Variants in CNOT1 observed in about 807,000 individuals in gnomAD.
The protein encoded by CNOT1 is CCR4-NOT transcription complex subunit 1, also known as CCR4-associated factor 1.
In CNOT1, 15 loss-of-function variants were observed where a neutral mutation model predicts 273.8. That is an observed-to-expected ratio of 0.05 (90% confidence interval 0.04 to 0.08). The LOEUF (loss-of-function observed/expected upper bound fraction) is 0.08, where lower values mean the gene tolerates loss of function less well. CNOT1 is among the 10% of genes least tolerant of loss of function. The pLI, the probability that CNOT1 is intolerant of heterozygous loss-of-function variation, is 1.00. For missense variants in CNOT1, 1,644 were observed against 2,912.2 expected (o/e 0.56, Z 10.02); for synonymous variants, 1,022 against 1,005.5 (o/e 1.02, Z -0.31).
chr16:58,527,018 G>A (rs756299740), intron 44 of CNOT1, among the ~76,000 whole-genome samples: 14 of 151,982 alleles, frequency 9.2e-5, no homozygotes, highest in Non-Finnish European at 1.8e-4. Flanking sequence ...CTTCAGCCTG[G>A]GCAAAACAAC....
intron 29 of CNOT1, 122 bp from the exon 30 acceptor site, chr16:58,545,613 A>ACCAAC: frequency 1.4e-6 from 2 of 1,466,540 alleles, no homozygotes; most frequent in Non-Finnish European, 1.8e-6. Flanking sequence ...AGAGGAGGGA[A>ACCAAC]GGATGTAGCA....
At position 58,542,327 on chromosome 16, in the gene CNOT1, C is replaced by T. The variant is rs777170733; in HGVS notation, c.4584G>A (p.Glu1528=). Residue 1528 remains glutamate (E), a synonymous_variant, in exon 33 of 49, where the codon GAG becomes GAA. Transcript: ENST00000317147. ...CTTCTTGCCTAGCATGTTTTCTCAG[C>T]TCAAATTCCTGCAAACAAAAAAAGT... ...EMDKRLATEF[E]LRKHARQEGR... is the part of the protein sequence containing the mutation. 9.9e-6 allele frequency: 16 copies of T among 1,614,090 alleles called. No homozygotes were observed. The highest frequency in any genetic ancestry group is 1.4e-5 in the Non-Finnish European group (16 of 1,180,014).
At chr16:58,602,415 TG>T (rs2042499239) in intron 1 of CNOT1, among the ~76,000 whole-genome samples, 2 of 151,846 alleles carry the variant, frequency 1.3e-5, no homozygotes, top group Non-Finnish European at 2.9e-5. Flanking sequence ...AGGCCGGGTG[TG>T]GTGGTGCACA....
At chr16:58,623,925 G>A (rs1009432644) in intron 1 of CNOT1, among the ~76,000 whole-genome samples, 4 of 152,044 alleles carry the variant, frequency 2.6e-5, no homozygotes, top group African/African-American at 9.7e-5. Flanking sequence ...GAGCGATAGA[G>A]GTTGCAGCAA....
intron 47 of CNOT1, 65 bp downstream of exon 47, chr16:58,523,305 G>GGA: frequency 7.5e-7 from 1 of 1,340,130 alleles, no homozygotes; most frequent in Non-Finnish European, 1.0e-6. Flanking sequence ...GCATAAAGAG[G>GGA]AAAAAAAAAA....
chr16:58,608,034 G>A (rs1317962818), intron 1 of CNOT1, among the ~76,000 whole-genome samples: 3 of 151,752 alleles, frequency 2.0e-5, no homozygotes. Context: ...AAATTAGCCA[G>A]GTGTGGTAGC....
intron 16 of CNOT1, among the ~76,000 whole-genome samples, chr16:58,571,125 A>G (rs1014890199): frequency 1.3e-5 from 2 of 152,188 alleles, no homozygotes; most frequent in African/African-American, 4.8e-5. Context: ...ACAAAAAACA[A>G]AACAAAAATA....
chr16:58,522,127 G>A (rs1350053365), intron 47 of CNOT1, among the ~76,000 whole-genome samples: 1 of 151,404 alleles, frequency 6.6e-6, no homozygotes, highest in Admixed American at 6.6e-5. Context: ...AGACCAGCCT[G>A]GCCAAGATGG....
At position 58,539,480 on chromosome 16, in the gene CNOT1, C is replaced by CACACACACACACACACACACACAG. The variant is rs1555494952; in HGVS notation, c.4992+287_4992+288insCTGTGTGTGTGTGTGTGTGTGTGT. On this transcript the variant is annotated intron_variant, in intron 35 of 48. Coordinates refer to ENST00000317147, the MANE Select transcript of CNOT1 (RefSeq NM_016284.5). ...ACCCTGTCTCTTACACACACACACA[C>CACACACACACACACACACACACAG]ACACACACACACAGACACACACACC... Among the ~76,000 whole-genome samples, 648 of 148,670 alleles carry CACACACACACACACACACACACAG rather than the reference C, an allele frequency of 4.4e-3. 4 individuals carry two copies. Among genetic ancestry groups the CACACACACACACACACACACACAG allele is most frequent in the East Asian group, 0.019 (92 of 4,746 alleles).
Position 58,588,789 on chromosome 16 carries a change from C to T in CNOT1, c.210+10G>A, listed in dbSNP as rs543494023. Reference sequence around the variant, plus strand: ...GCTAAGTGGACATGAACTCTGTAAGCCCCAAATACCTGATGGAAATCTTTG... The same window carrying T: ...GCTAAGTGGACATGAACTCTGTAAGTCCCAAATACCTGATGGAAATCTTTG... On this transcript the variant is annotated intron_variant, in intron 3 of 48. Transcript: ENST00000317147. 6.2e-7 allele frequency: 1 copy of T among 1,612,598 alleles called. No homozygotes were observed. The highest frequency in any genetic ancestry group is 1.1e-5 in the South Asian group (1 of 90,742).
At chr16:58,539,641 C>G (rs2040027237) in intron 35 of CNOT1, 127 bp downstream of exon 35, 6 of 958,980 alleles carry the variant, frequency 6.3e-6, no homozygotes, top group Non-Finnish European at 7.1e-6. Flanking sequence ...AAAAAATCAC[C>G]TACTTACAGA....
intron 31 of CNOT1, chr16:58,543,119 AC>A: frequency 1.5e-6 from 2 of 1,300,854 alleles, no homozygotes; most frequent in Non-Finnish European, 2.0e-6. Flanking sequence ...AAGGCAAAAA[AC>A]AACCAAAAAA....
chr16:58,621,227 T>C (rs755276968), intron 1 of CNOT1, among the ~76,000 whole-genome samples: 16 of 152,188 alleles, frequency 1.1e-4, no homozygotes, highest in Non-Finnish European at 1.8e-4. Flanking sequence ...CTCCCAAAAG[T>C]GTTAGGATTG....
intron 1 of CNOT1, among the ~76,000 whole-genome samples, chr16:58,625,703 A>C (rs542152470): frequency 4.0e-5 from 6 of 151,854 alleles, no homozygotes; most frequent in African/African-American, 1.4e-4. Context: ...AAGAAAAAAA[A>C]CAATTTTTGA....
rs1475952710 is a variant in CNOT1 at position 58,586,568 on chromosome 16, G to A, written c.614C>T (p.Ala205Val). 1 of 1,611,586 alleles carries A rather than the reference G, an allele frequency of 6.2e-7. No homozygotes were observed. Among genetic ancestry groups the A allele is most frequent in the Admixed American group, 1.7e-5 (1 of 59,854 alleles). Residue 205 changes from alanine to valine, a missense_variant, in exon 7 of 49, where the codon GCT (alanine) becomes GTT (valine). Ala to Val is a moderately conservative substitution (Grantham distance 64, BLOSUM62 0). Around this residue, in one of 13 missense-constraint regions of CNOT1, gnomAD observed 706 missense variants for 1,021.2 expected, o/e 0.69. Transcript: ENST00000317147. ...AFGVGQEQIDAFLKTLRRDFP... is the reference protein window; with the variant it reads ...AFGVGQEQIDVFLKTLRRDFP... The stretch of plus-strand genomic sequence containing the variant: ...ACCTCTGCGCAGCGTCTTAAGAAAA[G>A]CGTCTATCTGTTCTTGTCCAACTCC...
chr16:58,551,586 T>C lies in CNOT1; in HGVS notation c.3201+3A>G, dbSNP rs2040451627. 1 of 1,611,944 alleles carries C rather than the reference T, an allele frequency of 6.2e-7. No homozygotes were observed. The highest frequency in any genetic ancestry group is 8.5e-7 in the Non-Finnish European group (1 of 1,178,112). On this transcript the variant is annotated splice_donor_region_variant and intron_variant, in intron 23 of 48. Transcript: ENST00000317147. The stretch of plus-strand genomic sequence containing the variant: ...GGAAGAGAAAAAAGATAGATCTACT[T>C]ACTGGCACATCTTTCTTAAAGCTGA...
Position 58,556,959 on chromosome 16 carries a change from T to C in CNOT1, c.2367A>G (p.Ile789Met), listed in dbSNP as rs1052084394. 5 of 1,614,134 alleles carry C rather than the reference T, an allele frequency of 3.1e-6. No individual in the cohort carries two copies. The highest frequency in any genetic ancestry group is 4.2e-6 in the Non-Finnish European group (5 of 1,180,008). The change falls in exon 19 of 49, where the codon ATA becomes ATG. Residue 789 changes from isoleucine (I) to methionine (M), a missense_variant. By Grantham distance (10) the Ile-to-Met change is conservative. Around this residue, in one of 13 missense-constraint regions of CNOT1, gnomAD observed 706 missense variants for 1,021.2 expected, o/e 0.69. Transcript: ENST00000317147. ...CAGGGAGTCCAAGAGCACCAGTTCC[T>C]ATACCAGTCAGGCTGCCTGTGCCAA... is the stretch of plus-strand genomic sequence containing the variant. ...GGLGTGSLTG[I>M]GTGALGLPAV... is the part of the protein sequence containing the mutation.
At chr16:58,546,216 A>T in intron 29 of CNOT1, 105 bp downstream of exon 29, 1 of 1,005,594 alleles carries the variant, frequency 9.9e-7, no homozygotes, top group Non-Finnish European at 1.5e-6. Flanking sequence ...AAGTTTCACC[A>T]CTACATTATG....
At chr16:58,600,193 A>G (rs1446124160) in intron 1 of CNOT1, among the ~76,000 whole-genome samples, 1 of 150,726 alleles carries the variant, frequency 6.6e-6, no homozygotes, top group Non-Finnish European at 1.5e-5. Context: ...CAGAATACAA[A>G]AAAATTTGGC....
Sources: allele counts gnomAD v4.1 joint callset (sites outside exome capture counted in the v4.1 genomes callset), GRCh38; gene constraint gnomAD v4.1.1; regional missense constraint gnomAD v4.1.1; transcripts MANE v1.5; gene names NCBI Gene and HGNC (gene_info 2026-07-23, HGNC 2026-07-21).